SSH2: variants seen among roughly 807,000 people sequenced by gnomAD.
The protein encoded by SSH2 is protein phosphatase Slingshot homolog 2.
A neutral mutation model predicts 135.2 loss-of-function variants in SSH2; 37 were observed. The observed-to-expected ratio is 0.27, with a 90% confidence interval of 0.21 to 0.36. SSH2 has a LOEUF of 0.36. Ranked by LOEUF, SSH2 falls within the 10% of genes least tolerant of loss-of-function variation. The probability of loss-of-function intolerance (pLI) is 1.00; values close to 1 mark genes in which losing one functional copy is unlikely to be tolerated. For synonymous variants in SSH2, 628 were observed against 646.2 expected (o/e 0.97, Z 0.43); for missense variants, 1,408 against 1,765.3 (o/e 0.80, Z 3.63).
chr17:29,733,897 GTTTAA>G (rs1276344398), intron 3 of SSH2, among the ~76,000 whole-genome samples: 2 of 146,206 alleles, frequency 1.4e-5, no homozygotes, highest in African/African-American at 2.5e-5. Context: ...TTTACAGGGT[GTTTAA>G]TTTCTTTCTT....
At chr17:29,664,867 A>G (rs1318693473) in intron 11 of SSH2, among the ~76,000 whole-genome samples, 1 of 152,198 alleles carries the variant, frequency 6.6e-6, no homozygotes, top group Non-Finnish European at 1.5e-5. Context: ...TTTGAGGAGT[A>G]GTTCTTGAGT....
At chr17:29,901,222 T>C (rs2066546884) in intron 1 of SSH2, among the ~76,000 whole-genome samples, 1 of 152,070 alleles carries the variant, frequency 6.6e-6, no homozygotes, top group Non-Finnish European at 1.5e-5. Flanking sequence ...GGCATATGTA[T>C]ACATATGTAA....
At chr17:29,638,039 G>A (rs925509008) in intron 14 of SSH2, among the ~76,000 whole-genome samples, 4 of 151,742 alleles carry the variant, frequency 2.6e-5, no homozygotes, top group South Asian at 4.2e-4. Flanking sequence ...CCTTGAACCC[G>A]GGAGGCAGAG....
rs1473219778 is a variant in SSH2 at position 29,850,858 on chromosome 17, G to A, written c.64-1929C>T. Among the ~76,000 whole-genome samples the A allele has an allele frequency of 2.0e-5, 3 of 152,182 alleles. No individual in the cohort carries two copies. In the East Asian group the frequency reaches 5.8e-4, roughly 29 times the overall value. Reference sequence around the variant, plus strand: ...AAATTAGCCGGGTGTGGTGGCGGGCGCCTGCAGTCCCACCTACTCGGGAGG... The same window carrying A: ...AAATTAGCCGGGTGTGGTGGCGGGCACCTGCAGTCCCACCTACTCGGGAGG... On this transcript the variant is annotated intron_variant, in intron 1 of 15. Transcript: ENST00000540801.
At chr17:29,637,828 T>G (rs557775528) in intron 14 of SSH2, among the ~76,000 whole-genome samples, 42 of 151,000 alleles carry the variant, frequency 2.8e-4, no homozygotes, top group African/African-American at 9.5e-4. Flanking sequence ...TACAGATATT[T>G]ACTGGCCGGC....
intron 5 of SSH2, among the ~76,000 whole-genome samples, chr17:29,685,933 C>G (rs1483244274): frequency 1.3e-5 from 2 of 150,902 alleles, no homozygotes; most frequent in Non-Finnish European, 1.5e-5. Flanking sequence ...ACCGCAACCT[C>G]TGCCTCCCGA....
At chr17:29,902,832 T>C (rs1439804964) in intron 1 of SSH2, among the ~76,000 whole-genome samples, 1 of 152,130 alleles carries the variant, frequency 6.6e-6, no homozygotes, top group Admixed American at 6.6e-5. Context: ...TAATTTTCCA[T>C]GGTGAATACT....
chr17:29,823,393 C>T lies in SSH2; in HGVS notation c.144+25456G>A, dbSNP rs139069871. 2.2e-3 allele frequency among the ~76,000 whole-genome samples: 342 copies of T among 152,282 alleles called. 2 individuals carry two copies. Among genetic ancestry groups the T allele is most frequent in the Non-Finnish European group, 2.6e-3 (176 of 68,014 alleles). On this transcript the variant is annotated intron_variant, in intron 2 of 15. Coordinates refer to ENST00000540801, the MANE Select transcript of SSH2 (RefSeq NM_001282129.2). The stretch of plus-strand genomic sequence containing the variant: ...TTTCTTCACCCACCTCAGGCTTTGA[C>T]CCTTGCACTGGGCTAATGTTCCTCT...
intron 3 of SSH2, among the ~76,000 whole-genome samples, chr17:29,781,483 T>A (rs1015973865): frequency 7.1e-6 from 1 of 141,280 alleles, no homozygotes; most frequent in Non-Finnish European, 1.5e-5. Context: ...CTTTTTTTTT[T>A]TTTTTTTTTT....
chr17:29,815,866 G>A (rs1345799186), intron 2 of SSH2, among the ~76,000 whole-genome samples: 1 of 151,574 alleles, frequency 6.6e-6, no homozygotes, highest in Non-Finnish European at 1.5e-5. Context: ...TCTGGGGCGG[G>A]GGGATAGAGT....
At chr17:29,743,907 C>CTTTTT (rs59540894) in intron 3 of SSH2, among the ~76,000 whole-genome samples, 5 of 99,852 alleles carry the variant, frequency 5.0e-5, no homozygotes, top group African/African-American at 1.1e-4. Flanking sequence ...TTCTTTTTTC[C>CTTTTT]TTTTTTTTTT....
Position 29,677,459 on chromosome 17 carries a change from A to C in SSH2, c.548+214T>G, listed in dbSNP as rs531192591. Among the ~76,000 whole-genome samples the C allele has an allele frequency of 2.2e-3, 336 of 152,306 alleles. 1 individual carries two copies. The highest frequency in any genetic ancestry group is 8.0e-3 in the African/African-American group (331 of 41,578). Reference sequence around the variant, plus strand: ...CTAGTTCTTCTTTGTCTTGATTCCTACCACAGTCGGCCTAGAAGAACAGAA... The same window carrying C: ...CTAGTTCTTCTTTGTCTTGATTCCTCCCACAGTCGGCCTAGAAGAACAGAA... On this transcript the variant is annotated intron_variant, in intron 7 of 15. Transcript: ENST00000540801.
At chr17:29,669,276 G>A (rs899565634) in intron 9 of SSH2, among the ~76,000 whole-genome samples, 12 of 151,894 alleles carry the variant, frequency 7.9e-5, no homozygotes, top group African/African-American at 2.4e-4. Context: ...AAAGAGTAGA[G>A]CAATAATACC....
intron 11 of SSH2, among the ~76,000 whole-genome samples, chr17:29,661,897 G>C (rs2037059976): frequency 6.6e-6 from 1 of 152,126 alleles, no homozygotes; most frequent in Admixed American, 6.5e-5. Context: ...AAAGGGACTT[G>C]GGCTACACTT....
At chr17:29,712,685 T>C (rs778185237) in intron 3 of SSH2, among the ~76,000 whole-genome samples, 1 of 152,146 alleles carries the variant, frequency 6.6e-6, no homozygotes, top group Non-Finnish European at 1.5e-5. Context: ...GTGCCTGTAA[T>C]CCCAGCTACT....
At chr17:29,833,880 C>T (rs1340824351) in intron 2 of SSH2, among the ~76,000 whole-genome samples, 2 of 57,668 alleles carry the variant, frequency 3.5e-5, no homozygotes, top group African/African-American at 1.4e-4. Context: ...CCTTCCCTCC[C>T]TCCCTCTCTC....
At chr17:29,684,455 C>T in intron 6 of SSH2, 108 bp downstream of exon 6, 2 of 1,085,376 alleles carry the variant, frequency 1.8e-6, no homozygotes, top group South Asian at 1.6e-5. Flanking sequence ...CTAGTCTGGG[C>T]AACAGAGTGA....
intron 14 of SSH2, among the ~76,000 whole-genome samples, chr17:29,644,096 A>G (rs1279569445): frequency 6.6e-6 from 1 of 152,186 alleles, no homozygotes; most frequent in Non-Finnish European, 1.5e-5. Context: ...TTTCTTTTTA[A>G]AGGAGATGAT....
intron 11 of SSH2, among the ~76,000 whole-genome samples, chr17:29,660,352 T>C (rs920299747): frequency 6.7e-6 from 1 of 150,056 alleles, no homozygotes; most frequent in South Asian, 2.1e-4. Context: ...CCGCAACCTC[T>C]GCCTCCCAGG....
Sources: allele counts gnomAD v4.1 joint callset (sites outside exome capture counted in the v4.1 genomes callset), GRCh38; gene constraint gnomAD v4.1.1; transcripts MANE v1.5; gene names NCBI Gene and HGNC (gene_info 2026-07-23, HGNC 2026-07-21).